The following SLC28A1 variants were observed in gnomAD, a reference collection of about 807,000 sequenced individuals.
The protein encoded by SLC28A1 is solute carrier family 28 member 1, also known as sodium/nucleoside cotransporter 1.
SLC28A1 carries 64 observed loss-of-function variants against 74.8 expected under a neutral mutation model. The observed-to-expected ratio is 0.86, with a 90% CI of 0.70 to 1.05. SLC28A1 has a LOEUF of 1.05. Among genes scored for constraint, SLC28A1 ranks in the 50% least tolerant of loss-of-function variants. The pLI is 0.00. For synonymous variants in SLC28A1, 359 were observed against 335.0 expected (o/e 1.07, Z -0.78); for missense variants, 828 against 822.8 (o/e 1.01, Z -0.08).
At chr15:84,894,265 G>A (rs1420778279) in intron 5 of SLC28A1, among the ~76,000 whole-genome samples, 2 of 151,824 alleles carry the variant, frequency 1.3e-5, no homozygotes, top group African/African-American at 2.4e-5. Context: ...CCAGCTACTC[G>A]GGAGGCTGAG....
In SLC28A1 at chr15:84,922,794, A is replaced by G. The variant is rs375511499; in HGVS notation, c.958-1191A>G. Among the ~76,000 whole-genome samples the G allele has an allele frequency of 6.6e-5, 10 of 152,332 alleles. No homozygotes were observed. The South Asian group carries it at 2.1e-3, about 32-fold the overall frequency. The stretch of plus-strand genomic sequence containing the variant: ...GACTGCTATGGCTTTTGGACCTTGC[A>G]GAGCTTCTTGCTGCCTTAGGGCCTC... On this transcript the variant is annotated intron_variant, in intron 11 of 18. Coordinates refer to ENST00000394573, the MANE Select transcript of SLC28A1 (RefSeq NM_004213.5).
At position 84,944,775 on chromosome 15, in the gene SLC28A1, G is replaced by C. The variant is rs112519384; in HGVS notation, c.1782G>C (p.Arg594Ser). The C allele has an allele frequency of 9.3e-6, 15 of 1,613,876 alleles. No homozygotes were observed. The highest frequency in any genetic ancestry group is 1.3e-5 in the Non-Finnish European group (15 of 1,179,874). ...CTACAGGGATCCTCTACATGCCCAG[G>C]GGGGCTGAAGTTGACTGCATGTCCC... Reference protein sequence around the residue: ...ACMAGILYMPRGAEVDCMSLL... With the variant: ...ACMAGILYMPSGAEVDCMSLL... The change falls in exon 18 of 19, where the codon AGG (arginine) becomes AGC (serine). Residue 594 changes from arginine to serine, a missense_variant. By Grantham distance (110) the Arg-to-Ser change is moderately radical. Around this residue, in one of 3 missense-constraint regions of SLC28A1, gnomAD observed 767 missense variants for 753.5 expected, o/e 1.02. Transcript: ENST00000394573.
rs752777762 is a variant in SLC28A1, at chr15:84,935,339, C to T, written c.1402C>T (p.Leu468=). ...CCCTCAGCTCATCTGCTCCTACATC[C>T]TGCGGCCTGTAGCCTTCTTGATGGG... The part of the protein sequence containing the change: ...LSFQLICSYI[L]RPVAFLMGVA... Residue 468 remains leucine, a synonymous_variant, in exon 15 of 19, where the codon CTG becomes TTG. Transcript: ENST00000394573. The T allele has an allele frequency of 3.1e-6, 5 of 1,614,140 alleles. No homozygotes were observed. Among genetic ancestry groups the T allele is most frequent in the African/African-American group, 1.3e-5 (1 of 74,944 alleles).
At chr15:84,914,519 C>T (rs1968802440) in intron 9 of SLC28A1, among the ~76,000 whole-genome samples, 1 of 152,208 alleles carries the variant, frequency 6.6e-6, no homozygotes. Context: ...TGCCTCTTTG[C>T]AGGTGTGTGA....
At chr15:84,945,016 G>A (rs1432880813) in intron 18 of SLC28A1, 109 bp from the exon 19 acceptor site, 4 of 1,149,984 alleles carry the variant, frequency 3.5e-6, no homozygotes, top group Non-Finnish European at 5.3e-6. Context: ...GACCAATGGA[G>A]GAAGGGTGGA....
At chr15:84,923,946 A>G (rs750638717) in intron 11 of SLC28A1, 39 bp from the exon 12 acceptor site, 1 of 1,612,936 alleles carries the variant, frequency 6.2e-7, no homozygotes, top group South Asian at 1.1e-5. Flanking sequence ...GTGCCCAATC[A>G]CCCCCACCCT....
At chr15:84,956,424 TC>T in the SLC28A1 span, among the ~76,000 whole-genome samples, 22 of 149,414 alleles carry the variant, frequency 1.5e-4, no homozygotes, top group African/African-American at 5.3e-4. Context: ...CTTCCTTCCT[TC>T]TTTCTCTTCC....
intron 15 of SLC28A1, among the ~76,000 whole-genome samples, chr15:84,938,199 T>G (rs2142027829): frequency 4.2e-5 from 1 of 23,568 alleles, no homozygotes; most frequent in South Asian, 1.8e-3. Context: ...AAACTCCATC[T>G]CAAAAAAAAA....
At chr15:84,890,150 G>A (rs748338020) in intron 4 of SLC28A1, among the ~76,000 whole-genome samples, 1 of 152,146 alleles carries the variant, frequency 6.6e-6, no homozygotes, top group Non-Finnish European at 1.5e-5. Context: ...CCACATTTCT[G>A]TATGTTGATG....
intron 5 of SLC28A1, among the ~76,000 whole-genome samples, chr15:84,892,726 C>T (rs1965496890): frequency 6.6e-6 from 1 of 152,204 alleles, no homozygotes; most frequent in Admixed American, 6.5e-5. Flanking sequence ...AAATGAGGCT[C>T]ATATTCTCAG....
chr15:84,905,525 G>C lies in SLC28A1; in HGVS notation c.604-14G>C. 6.4e-7 allele frequency: 1 copy of C among 1,574,102 alleles called. No homozygotes were observed. Among genetic ancestry groups the C allele is most frequent in the Non-Finnish European group, 8.7e-7 (1 of 1,143,686 alleles). ...AAGGAACTGAACTCAGCTTTCTGTT[G>C]GGTGGGGTGGTAGGTGTCCTGGAGG... On this transcript the variant is annotated splice_polypyrimidine_tract_variant and intron_variant, in intron 7 of 18. Transcript: ENST00000394573.
intron 6 of SLC28A1, chr15:84,895,751 C>A: frequency 8.4e-7 from 1 of 1,187,922 alleles, no homozygotes; most frequent in South Asian, 2.4e-5. Context: ...AAAGAAAATT[C>A]GCTGGGGGAA....
At chr15:84,919,216 G>A (rs1203171451) in intron 10 of SLC28A1, among the ~76,000 whole-genome samples, 1 of 152,218 alleles carries the variant, frequency 6.6e-6, no homozygotes, top group Admixed American at 6.5e-5. Flanking sequence ...TGGTATAAAT[G>A]TCAGATCCTG....
In SLC28A1 at chr15:84,925,779, T is replaced by C. The variant is rs1970444066; in HGVS notation, c.1083+1669T>C. Among the ~76,000 whole-genome samples, 7 of 152,238 alleles carry C rather than the reference T, an allele frequency of 4.6e-5. No individual in the cohort carries two copies. The South Asian group carries it at 1.5e-3, about 32-fold the overall frequency. The stretch of plus-strand genomic sequence containing the variant: ...GTACTCACATACTTTCTCTCTCTTT[T>C]TTTTTTAATAAAAGTTGAGAATCAT... On this transcript the variant is annotated intron_variant, in intron 12 of 18. Transcript: ENST00000394573.
Position 84,905,633 on chromosome 15 carries a change from G to T in SLC28A1, c.698G>T (p.Trp233Leu). ...RTEPGFIAFE[W>L]LGEQIRIFLS... Reference sequence around the variant, plus strand: ...GAACCAGGATTCATTGCGTTCGAGTGGCTGGGCGAGCAGATCCGGGTAGGT... The same window carrying T: ...GAACCAGGATTCATTGCGTTCGAGTTGCTGGGCGAGCAGATCCGGGTAGGT... Residue 233 changes from tryptophan to leucine, a missense_variant, in exon 8 of 19, where the codon TGG becomes TTG. By Grantham distance (61) the Trp-to-Leu change is moderately conservative. This residue lies in a region of SLC28A1 where 767 missense variants were observed against 753.5 expected (regional missense o/e 1.02). Coordinates refer to ENST00000394573, the MANE Select transcript of SLC28A1 (RefSeq NM_004213.5). The T allele has an allele frequency of 1.2e-6, 2 of 1,613,680 alleles. No individual in the cohort carries two copies. Among genetic ancestry groups the T allele is most frequent in the Non-Finnish European group, 1.7e-6 (2 of 1,179,604 alleles).
intron 9 of SLC28A1, among the ~76,000 whole-genome samples, chr15:84,915,000 C>G (rs992564855): frequency 2.4e-4 from 36 of 152,304 alleles, no homozygotes; most frequent in African/African-American, 7.9e-4. Flanking sequence ...GGTCCTGATG[C>G]CCCGGGCACT....
the SLC28A1 span, among the ~76,000 whole-genome samples, chr15:84,956,666 C>CTT: frequency 3.5e-4 from 47 of 134,340 alleles, no homozygotes; most frequent in African/African-American, 8.2e-4. Context: ...CTAATTTTTA[C>CTT]TTTTTTTTTT....
the SLC28A1 span, among the ~76,000 whole-genome samples, chr15:84,956,637 C>T: frequency 1.9e-4 from 29 of 150,538 alleles, no homozygotes; most frequent in East Asian, 5.8e-4. Flanking sequence ...GGACTACAGG[C>T]GCACACCACC....
In SLC28A1 at chr15:84,945,168, C is replaced by T. The variant is rs115647635; in HGVS notation, c.1918C>T (p.Arg640Trp). The change falls in exon 19 of 19, where the codon CGG becomes TGG. Residue 640 changes from arginine to tryptophan, a missense_variant. Around this residue, in one of 3 missense-constraint regions of SLC28A1, gnomAD observed 53 missense variants for 44.5 expected, o/e 1.19. Transcript: ENST00000394573. Reference sequence around the variant, plus strand: ...CCCAGAGGCCCTGGACAACTGCTGTCGGTTTTACAACCACACGATCTGTGC... The same window carrying T: ...CCCAGAGGCCCTGGACAACTGCTGTTGGTTTTACAACCACACGATCTGTGC... ...FSPEALDNCC[R>W]FYNHTICAQ The T allele has an allele frequency of 1.9e-5, 30 of 1,613,930 alleles. No homozygotes were observed. In the Admixed American group the frequency reaches 3.7e-4, roughly 20 times the overall value.
Sources: gnomAD v4.1 joint callset for allele counts (sites outside exome capture counted in the v4.1 genomes callset) on GRCh38, gnomAD v4.1.1 for gene constraint, gnomAD v4.1.1 regional missense constraint, MANE v1.5 for transcripts, NCBI Gene and HGNC (gene_info 2026-07-23, HGNC 2026-07-21) for gene names.